Variants in SVOPL observed in about 807,000 individuals in gnomAD.
SVOPL encodes the protein SVOP like, also known as putative transporter SVOPL.
A neutral mutation model predicts 61.0 loss-of-function variants in SVOPL; 60 were observed. The observed-to-expected ratio is 0.98, with a 90% CI of 0.80 to 1.22. The LOEUF (loss-of-function observed/expected upper bound fraction) is 1.22, where lower values mean the gene tolerates loss of function less well. Ranked by LOEUF, SVOPL falls within the 50% of genes most tolerant of loss-of-function variation. The pLI, the probability that SVOPL is intolerant of heterozygous loss-of-function variation, is 0.00. For synonymous variants in SVOPL, 279 were observed against 250.0 expected, an observed-to-expected ratio of 1.12 and a Z score of -1.09; for missense variants, 662 against 643.9, an observed-to-expected ratio of 1.03 and a Z score of -0.30.
chr7:138,621,886 CTATCTATCTATCTATCTATG>C (rs1563095628), intron 13 of SVOPL, among the ~76,000 whole-genome samples: 5 of 38,836 alleles, frequency 1.3e-4, no homozygotes, highest in African/African-American at 3.8e-4. Flanking sequence ...ATCTATCTAT[CTATCTATCTATCTATCTATG>C]TATCTATCTA....
chr7:138,650,097 T>C (rs1027717023), intron 7 of SVOPL, among the ~76,000 whole-genome samples: 5 of 152,242 alleles, frequency 3.3e-5, no homozygotes, highest in African/African-American at 1.2e-4. Context: ...CCCAAAGTGC[T>C]GGGATTACAG....
chr7:138,672,210 C>G (rs958443112), intron 3 of SVOPL, 93 bp from the exon 4 acceptor site: 1 of 1,144,368 alleles, frequency 8.7e-7, no homozygotes, highest in Non-Finnish European at 1.3e-6. Flanking sequence ...CTAGTCCTGT[C>G]CCCTTTGTCC....
chr7:138,649,823 GA>G (rs947782892), intron 7 of SVOPL, among the ~76,000 whole-genome samples: 2 of 149,966 alleles, frequency 1.3e-5, no homozygotes, highest in Non-Finnish European at 3.0e-5. Context: ...AGTGAATGGT[GA>G]AAAAAAAGGT....
At chr7:138,596,278 T>C (rs1563076224) in intron 15 of SVOPL, 139 bp downstream of exon 15, 4 of 702,516 alleles carry the variant, frequency 5.7e-6, no homozygotes, top group Non-Finnish European at 9.2e-6. Flanking sequence ...GTCCTTGTTA[T>C]TCAAACTACA....
chr7:138,632,686 G>C (rs562414903), intron 9 of SVOPL, among the ~76,000 whole-genome samples: 1 of 151,168 alleles, frequency 6.6e-6, no homozygotes, highest in Non-Finnish European at 1.5e-5. Flanking sequence ...GGAGGATGGA[G>C]AATGTGCAGG....
At chr7:138,642,909 T>C (rs763058516) in intron 9 of SVOPL, among the ~76,000 whole-genome samples, 14 of 149,630 alleles carry the variant, frequency 9.4e-5, no homozygotes, top group Non-Finnish European at 2.1e-4. Context: ...ATCAAAAGTA[T>C]AAACAAAAGT....
rs1799652797 is a variant in SVOPL at position 138,622,132 on chromosome 7, A to G, written c.1264-997T>C. ...TATCTATCTATCTATGTATCTATCT[A>G]TCTATGTATCTATCTATGTATCTAT... On this transcript the variant is annotated intron_variant, in intron 13 of 15. Transcript: ENST00000674285. 1.7e-4 allele frequency among the ~76,000 whole-genome samples: 22 copies of G among 132,558 alleles called. 1 individual carries two copies. Among genetic ancestry groups the G allele is most frequent in the African/African-American group, 3.5e-4 (13 of 37,004 alleles). 87.0% of individuals were successfully genotyped at this position (132,558 alleles called of 152,430 possible).
chr7:138,644,850 G>A lies in SVOPL; in HGVS notation c.661-5C>T. 1.2e-6 allele frequency: 2 copies of A among 1,614,154 alleles called. No homozygotes were observed. The highest frequency in any genetic ancestry group is 8.5e-7 in the Non-Finnish European group (1 of 1,180,022). On this transcript the variant is annotated splice_region_variant and splice_polypyrimidine_tract_variant and intron_variant, in intron 8 of 15. Transcript: ENST00000674285. Reference sequence around the variant, plus strand: ...CCGGGCAGATTCAGGAATAAACTGGGTAGAGATTACAAAGAACATCAGAGT... The same window carrying A: ...CCGGGCAGATTCAGGAATAAACTGGATAGAGATTACAAAGAACATCAGAGT...
intron 4 of SVOPL, among the ~76,000 whole-genome samples, chr7:138,668,799 A>C (rs1802341068): frequency 6.6e-6 from 1 of 152,168 alleles, no homozygotes; most frequent in Admixed American, 6.5e-5. Context: ...CAGTCTGGGG[A>C]GCAGGAGGAA....
intron 5 of SVOPL, 114 bp from the exon 6 acceptor site, chr7:138,660,102 G>A (rs1801938959): frequency 2.7e-6 from 4 of 1,485,434 alleles, no homozygotes; most frequent in African/African-American, 1.4e-5. Flanking sequence ...TCTCTGAGGA[G>A]CTAACCTGTA....
intron 1 of SVOPL, among the ~76,000 whole-genome samples, chr7:138,699,373 A>G (rs1393582662): frequency 6.6e-6 from 1 of 152,222 alleles, no homozygotes; most frequent in East Asian, 1.9e-4. Flanking sequence ...ATATGTCTCC[A>G]AAAGGCATTT....
chr7:138,625,686 A>T (rs1487078517), intron 13 of SVOPL, among the ~76,000 whole-genome samples: 1 of 152,212 alleles, frequency 6.6e-6, no homozygotes, highest in Non-Finnish European at 1.5e-5. Context: ...ACATGTTGCT[A>T]CCTATTACTT....
chr7:138,688,209 C>T (rs746854199), intron 1 of SVOPL, among the ~76,000 whole-genome samples: 50 of 151,742 alleles, frequency 3.3e-4, no homozygotes, highest in Non-Finnish European at 6.2e-4. Context: ...ATTGGTCATT[C>T]GGGAAATGCA....
chr7:138,649,621 G>C (rs1045292999), intron 7 of SVOPL, among the ~76,000 whole-genome samples: 9 of 151,932 alleles, frequency 5.9e-5, no homozygotes, highest in African/African-American at 1.9e-4. Context: ...CATCACTAAA[G>C]AACTCTGTTA....
At chr7:138,687,228 C>CTTTTTTTT (rs71179722) in intron 1 of SVOPL, among the ~76,000 whole-genome samples, 17 of 77,020 alleles carry the variant, frequency 2.2e-4, no homozygotes, top group East Asian at 4.5e-4. Flanking sequence ...CTTTTTTCCT[C>CTTTTTTTT]TTTTTTTTTT....
chr7:138,599,135 C>A (rs1279590426), intron 14 of SVOPL, among the ~76,000 whole-genome samples: 3 of 87,528 alleles, frequency 3.4e-5, no homozygotes, highest in African/African-American at 5.8e-5. Context: ...TAGTGAGATC[C>A]GTCTCCAAAA....
chr7:138,622,496 G>C (rs970625078), intron 13 of SVOPL, among the ~76,000 whole-genome samples: 2 of 151,798 alleles, frequency 1.3e-5, no homozygotes, highest in Non-Finnish European at 2.9e-5. Context: ...CGGCGGGCGG[G>C]GGGTCTCTCC....
chr7:138,636,361 A>C (rs1800467370), intron 9 of SVOPL, among the ~76,000 whole-genome samples: 1 of 152,232 alleles, frequency 6.6e-6, no homozygotes, highest in Non-Finnish European at 1.5e-5. Flanking sequence ...AAAAGAAATA[A>C]ATTGGGAAAT....
intron 15 of SVOPL, among the ~76,000 whole-genome samples, chr7:138,595,165 A>C (rs1438128658): frequency 6.6e-6 from 1 of 152,102 alleles, no homozygotes; most frequent in African/African-American, 2.4e-5. Context: ...AAAACTATTG[A>C]CCAGGTTGGT....
Sources: gnomAD v4.1 joint callset for allele counts (sites outside exome capture counted in the v4.1 genomes callset) on GRCh38, gnomAD v4.1.1 for gene constraint, MANE v1.5 for transcripts, NCBI Gene and HGNC (gene_info 2026-07-23, HGNC 2026-07-21) for gene names.